Variants in GLT1D1 observed in about 807,000 individuals in gnomAD.
The protein encoded by GLT1D1 is glycosyltransferase 1 domain-containing protein 1.
GLT1D1 carries 21 observed loss-of-function variants against 28.7 expected under a neutral mutation model. The observed-to-expected ratio is 0.73, with a 90% CI of 0.52 to 1.05. The LOEUF is 1.05. GLT1D1 is among the 50% of genes least tolerant of loss of function. The probability of loss-of-function intolerance (pLI) is 0.00; values close to 1 mark genes in which losing one functional copy is unlikely to be tolerated. For synonymous variants in GLT1D1, 147 were observed against 124.8 expected, an observed-to-expected ratio of 1.18 and a Z score of -1.19; for missense variants, 343 against 330.6, an observed-to-expected ratio of 1.04 and a Z score of -0.29.
chr12:128,889,933 G>C (rs1040221178), intron 3 of GLT1D1, among the ~76,000 whole-genome samples: 2 of 152,138 alleles, frequency 1.3e-5, no homozygotes, highest in Non-Finnish European at 2.9e-5. Flanking sequence ...TGCCACCACA[G>C]TCGGCTAATT....
rs544983004 is a variant in GLT1D1, at chr12:128,910,341, C to T, written c.375+11054C>T. On this transcript the variant is annotated intron_variant, in intron 4 of 7. Transcript: ENST00000281703. ...TTTTGAGTTTATGTATTGCTAATTGCAGAGCCTATTTCCAATGAAAATAGT... is the reference window on the plus strand; with the variant it reads ...TTTTGAGTTTATGTATTGCTAATTGTAGAGCCTATTTCCAATGAAAATAGT... Among the ~76,000 whole-genome samples the T allele has an allele frequency of 3.5e-5, 5 of 144,840 alleles. No individual in the cohort carries two copies. In the East Asian group the frequency reaches 6.0e-4, roughly 17 times the overall value.
At chr12:128,969,330 C>T (rs1593204347) in intron 7 of GLT1D1, among the ~76,000 whole-genome samples, 1 of 152,078 alleles carries the variant, frequency 6.6e-6, no homozygotes, top group Non-Finnish European at 1.5e-5. Flanking sequence ...TCCTGTTTTA[C>T]ACCTAACCCT....
At chr12:128,957,672 C>T (rs1877443654) in intron 7 of GLT1D1, 29 bp downstream of exon 11, 1 of 1,310,652 alleles carries the variant, frequency 7.6e-7, no homozygotes, top group East Asian at 2.3e-5. Context: ...CCTCCATTCA[C>T]TCACCTTATC....
At chr12:128,954,100 G>T (rs1204623806) in intron 6 of GLT1D1, among the ~76,000 whole-genome samples, 4 of 149,848 alleles carry the variant, frequency 2.7e-5, no homozygotes, top group African/African-American at 9.9e-5. Flanking sequence ...TGGTCCTAAG[G>T]TCACCTGTTT....
intron 6 of GLT1D1, among the ~76,000 whole-genome samples, chr12:128,955,525 T>C (rs2135510845): frequency 6.6e-6 from 1 of 152,142 alleles, no homozygotes; most frequent in Non-Finnish European, 1.5e-5. Flanking sequence ...TGTATTTTTT[T>C]TTTTTTTCAG....
chr12:128,962,212 C>G (rs568733605), intron 7 of GLT1D1, among the ~76,000 whole-genome samples: 1 of 152,348 alleles, frequency 6.6e-6, no homozygotes, highest in African/African-American at 2.4e-5. Flanking sequence ...ACACGTCATG[C>G]CTTCAAGGGC....
chr12:128,853,995 G>T (rs7960553), intron 1 of GLT1D1, among the ~76,000 whole-genome samples: 50,262 of 151,868 alleles, frequency 0.33, 9,262 homozygotes, highest in East Asian at 0.46. Flanking sequence ...GATGCGCAGC[G>T]GGGTCCGCGG....
chr12:128,944,242 C>T, intron 4 of GLT1D1: 1 of 533,472 alleles, frequency 1.9e-6, no homozygotes, highest in South Asian at 1.7e-5. Flanking sequence ...GCCCATCTTA[C>T]TACTAATAGT....
intron 4 of GLT1D1, among the ~76,000 whole-genome samples, chr12:128,930,972 G>C (rs987158192): frequency 6.6e-6 from 1 of 151,852 alleles, no homozygotes; most frequent in Admixed American, 6.6e-5. Context: ...TTCACCTCCC[G>C]GAGGAAATAC....
intron 2 of GLT1D1, among the ~76,000 whole-genome samples, chr12:128,881,116 GGGGA>G (rs1459797884): frequency 1.8e-4 from 27 of 151,296 alleles, no homozygotes; most frequent in African/African-American, 5.8e-4. Context: ...TCCAGCTACT[GGGGA>G]GGTTGAGGAA....
chr12:128,974,531 C>T (rs533667507), intron 7 of GLT1D1, among the ~76,000 whole-genome samples: 29 of 152,196 alleles, frequency 1.9e-4, no homozygotes, highest in African/African-American at 2.7e-4. Flanking sequence ...GCTGTGCAAA[C>T]GCCAGAAGGG....
intron 4 of GLT1D1, chr12:128,944,346 G>A: frequency 1.2e-6 from 1 of 801,158 alleles, no homozygotes; most frequent in South Asian, 1.3e-5. Flanking sequence ...GCCAAATCTT[G>A]TTGGTTTCTG....
intron 4 of GLT1D1, chr12:128,906,774 A>C (rs2135870775): frequency 2.0e-6 from 1 of 503,290 alleles, no homozygotes; most frequent in South Asian, 3.2e-5. Context: ...CTGGGGCCTA[A>C]TTTATCTACT....
chr12:128,963,513 G>T (rs926886161), intron 7 of GLT1D1, among the ~76,000 whole-genome samples: 1 of 152,180 alleles, frequency 6.6e-6, no homozygotes, highest in African/African-American at 2.4e-5. Context: ...AGGCATAGTG[G>T]TGGGCGCCTG....
intron 4 of GLT1D1, chr12:128,930,512 C>G (rs1413943244): frequency 6.6e-6 from 1 of 152,210 alleles, no homozygotes; most frequent in Non-Finnish European, 1.5e-5. Flanking sequence ...GGTGCAAGTG[C>G]ATGCGACTAG....
chr12:128,933,630 C>T (rs1874191230), intron 4 of GLT1D1, among the ~76,000 whole-genome samples: 1 of 152,138 alleles, frequency 6.6e-6, no homozygotes, highest in Non-Finnish European at 1.5e-5. Context: ...AGGGCCAGTG[C>T]ACTTACTGCT....
intron 3 of GLT1D1, among the ~76,000 whole-genome samples, chr12:128,895,757 C>A (rs1222949082): frequency 6.6e-6 from 1 of 152,048 alleles, no homozygotes; most frequent in Non-Finnish European, 1.5e-5. Context: ...CCGCTTCCGG[C>A]CTTACAGATG....
intron 1 of GLT1D1, among the ~76,000 whole-genome samples, chr12:128,869,159 G>A (rs564519827): frequency 1.3e-5 from 2 of 152,044 alleles, no homozygotes; most frequent in South Asian, 2.1e-4. Context: ...GTGAGCCACC[G>A]CACCCAGCCT....
In GLT1D1 at chr12:128,879,365, A is replaced by T. The variant is rs566773241; in HGVS notation, c.217+3303A>T. 9.6e-4 allele frequency among the ~76,000 whole-genome samples: 120 copies of T among 125,290 alleles called. 6 individuals are homozygous for T. The highest frequency in any genetic ancestry group is 3.9e-3 in the African/African-American group (117 of 29,910). 82.2% of individuals were successfully genotyped at this position (125,290 alleles called of 152,430 possible). On this transcript the variant is annotated intron_variant, in intron 2 of 7. Transcript: ENST00000281703. Reference sequence around the variant, plus strand: ...TGTCATTTTCTGTAAAGTGATACTTATTATTTTTTTCTTTTTCTTTCTTTC... The same window carrying T: ...TGTCATTTTCTGTAAAGTGATACTTTTTATTTTTTTCTTTTTCTTTCTTTC...
Sources: gnomAD v4.1 joint callset for allele counts (sites outside exome capture counted in the v4.1 genomes callset) on GRCh38, gnomAD v4.1.1 for gene constraint, MANE v1.5 for transcripts, NCBI Gene and HGNC (gene_info 2026-07-23, HGNC 2026-07-21) for gene names.